Variants in PDGFRA observed in about 807,000 individuals in gnomAD.
The protein encoded by PDGFRA is platelet-derived growth factor receptor alpha.
A neutral mutation model predicts 121.5 loss-of-function variants in PDGFRA; 25 were observed. The observed-to-expected ratio is 0.21, with a 90% CI of 0.15 to 0.29. The LOEUF (loss-of-function observed/expected upper bound fraction) is 0.29, where lower values mean the gene tolerates loss of function less well. PDGFRA is among the 10% of genes least tolerant of loss of function. The pLI is 1.00. For missense variants in PDGFRA, 1,008 were observed against 1,345.1 expected, an observed-to-expected ratio of 0.75 and a Z score of 3.92; for synonymous variants, 463 against 494.8, an observed-to-expected ratio of 0.94 and a Z score of 0.85.
chr4:54,260,851 G>A (rs941024077), intron 2 of PDGFRA, among the ~76,000 whole-genome samples: 3 of 152,150 alleles, frequency 2.0e-5, no homozygotes, highest in Non-Finnish European at 4.4e-5. Context: ...GACATCCTCT[G>A]TCTATTTGAG....
chr4:54,263,764 C>T lies in PDGFRA; in HGVS notation c.465C>T (p.Pro155=), dbSNP rs376832294. The T allele has an allele frequency of 1.9e-5, 30 of 1,614,048 alleles. No individual in the cohort carries two copies. In the East Asian group the frequency reaches 2.7e-4, roughly 14 times the overall value. The change falls in exon 4 of 23, where the codon CCC becomes CCT. Residue 155 remains proline, a synonymous_variant. Coordinates refer to ENST00000257290, the MANE Select transcript of PDGFRA (RefSeq NM_006206.6). ...SAIIPCRTTD[P]ETPVTLHNSE... The stretch of plus-strand genomic sequence containing the variant: ...TTATACCTTGTCGCACAACTGATCC[C>T]GAGACTCCTGTAACCTTACACAACA...
At chr4:54,278,640 A>G in intron 15 of PDGFRA, 125 bp downstream of exon 15, 1 of 871,394 alleles carries the variant, frequency 1.1e-6, no homozygotes, top group Non-Finnish European at 1.9e-6. Context: ...CTTAGAGTCA[A>G]ACCACCCTGT....
At chr4:54,240,125 T>C in intron 1 of PDGFRA, 1 of 363,366 alleles carries the variant, frequency 2.8e-6, no homozygotes, top group Non-Finnish European at 5.8e-6. Context: ...GGTACTGGGA[T>C]TATAGGTGTG....
At chr4:54,285,698 G>A (rs1321064785) in intron 17 of PDGFRA, 143 bp from the exon 18 acceptor site, 12 of 890,358 alleles carry the variant, frequency 1.3e-5, no homozygotes, top group Admixed American at 3.5e-5. Flanking sequence ...GGAGTGGGTG[G>A]AGTGAGAACC....
chr4:54,231,321 G>C (rs2110162836), intron 1 of PDGFRA, among the ~76,000 whole-genome samples: 1 of 152,346 alleles, frequency 6.6e-6, no homozygotes, highest in African/African-American at 2.4e-5. Flanking sequence ...AGGCCAAATT[G>C]CTCAATGTTT....
rs1390581042 is a variant in PDGFRA at position 54,278,533 on chromosome 4, T to C, written c.2156+18T>C. Reference sequence around the variant, plus strand: ...ACACGGAGGTGGGTGCAAAGAGAGATGTTGCTGTCTATCATTATCTTACAG... The same window carrying C: ...ACACGGAGGTGGGTGCAAAGAGAGACGTTGCTGTCTATCATTATCTTACAG... On this transcript the variant is annotated intron_variant, in intron 15 of 22. Coordinates refer to ENST00000257290, the MANE Select transcript of PDGFRA (RefSeq NM_006206.6). 1 of 1,611,192 alleles carries C rather than the reference T, an allele frequency of 6.2e-7. No individual in the cohort carries two copies. Among genetic ancestry groups the C allele is most frequent in the South Asian group, 1.1e-5 (1 of 91,024 alleles).
intron 1 of PDGFRA, among the ~76,000 whole-genome samples, chr4:54,245,785 C>T (rs1341308797): frequency 2.0e-5 from 3 of 152,102 alleles, no homozygotes; most frequent in African/African-American, 7.2e-5. Context: ...GATAAAGAGT[C>T]AAGACCCATC....
intron 1 of PDGFRA, among the ~76,000 whole-genome samples, chr4:54,247,129 C>A (rs1560455791): frequency 6.6e-6 from 1 of 152,178 alleles, no homozygotes; most frequent in Non-Finnish European, 1.5e-5. Flanking sequence ...CAGCCGAATT[C>A]TACCAGAGGT....
intron 22 of PDGFRA, among the ~76,000 whole-genome samples, chr4:54,292,440 T>G (rs1198198001): frequency 6.6e-6 from 1 of 152,124 alleles, no homozygotes; most frequent in African/African-American, 2.4e-5. Context: ...ACACCACATG[T>G]TCTCACTTAT....
rs781711990 is a variant in PDGFRA at position 54,290,303 on chromosome 4, A to T, written c.2881-10A>T. 2 of 1,603,840 alleles carry T rather than the reference A, an allele frequency of 1.2e-6. No homozygotes were observed. Among genetic ancestry groups the T allele is most frequent in the South Asian group, 1.1e-5 (1 of 90,892 alleles). On this transcript the variant is annotated splice_polypyrimidine_tract_variant and intron_variant, in intron 21 of 22. Transcript: ENST00000257290. ...ACACTTGATTAAATATGTTCAATGA[A>T]TGTTTATAGAGTTATGAAAAAATTC...
rs1213039385 is a variant in PDGFRA at position 54,285,918 on chromosome 4, G to T, written c.2517G>T (p.Leu839=). The T allele has an allele frequency of 2.5e-6, 4 of 1,614,052 alleles. No homozygotes were observed. In the South Asian group the frequency reaches 4.4e-5, roughly 18 times the overall value. The stretch of plus-strand genomic sequence containing the variant: ...TTGTGAAGATCTGTGACTTTGGCCT[G>T]GCCAGAGACATCATGCATGATTCGA... ...GKIVKICDFG[L]ARDIMHDSNY... The change falls in exon 18 of 23, where the codon CTG becomes CTT. Residue 839 remains leucine, a synonymous_variant. Transcript: ENST00000257290.
chr4:54,279,080 C>G (rs190575804), intron 15 of PDGFRA: 19 of 315,498 alleles, frequency 6.0e-5, no homozygotes, highest in Non-Finnish European at 1.0e-4. Context: ...ATTGTATGCC[C>G]AAGCCACATG....
chr4:54,233,733 G>A (rs1720834887), intron 1 of PDGFRA, among the ~76,000 whole-genome samples: 1 of 152,252 alleles, frequency 6.6e-6, no homozygotes, highest in Non-Finnish European at 1.5e-5. Flanking sequence ...AGAAGCAGGG[G>A]AGTGTGGAGG....
At chr4:54,282,402 G>A (rs951682387) in intron 16 of PDGFRA, among the ~76,000 whole-genome samples, 2 of 152,152 alleles carry the variant, frequency 1.3e-5, no homozygotes, top group Admixed American at 1.3e-4. Flanking sequence ...GCAAGAGCAA[G>A]CGAGAGAGAG....
In PDGFRA at chr4:54,267,687, T is replaced by C. The variant is rs2110267420; in HGVS notation, c.1067T>C (p.Leu356Pro). The part of the protein sequence containing the change: ...RISWLKNNLT[L>P]IENLTEITTD... ...TCCTGGCTGAAAAACAATCTGACTC[T>C]GATTGAAAATCTCACTGAGATCACC... The change falls in exon 7 of 23, where the codon CTG becomes CCG. Residue 356 changes from leucine (L) to proline (P), a missense_variant. Transcript: ENST00000257290. 1.2e-6 allele frequency: 2 copies of C among 1,613,938 alleles called. No individual in the cohort carries two copies. Among genetic ancestry groups the C allele is most frequent in the East Asian group, 2.2e-5 (1 of 44,886 alleles).
chr4:54,236,737 A>G (rs1295443155), intron 1 of PDGFRA, among the ~76,000 whole-genome samples: 3 of 152,056 alleles, frequency 2.0e-5, no homozygotes, highest in Admixed American at 6.6e-5. Flanking sequence ...TGGGAGGCAG[A>G]GGTTGCAATG....
chr4:54,232,489 C>T (rs1304993032), intron 1 of PDGFRA, among the ~76,000 whole-genome samples: 2 of 152,338 alleles, frequency 1.3e-5, no homozygotes, highest in East Asian at 1.9e-4. Flanking sequence ...AGTTTCTCGG[C>T]CCCCGCGAAA....
Position 54,285,479 on chromosome 4 carries a change from C to CA in PDGFRA, c.2438dup (p.Asn813LysfsTer6). On this transcript the variant is annotated frameshift_variant, in exon 17 of 23. Coordinates refer to ENST00000257290, the MANE Select transcript of PDGFRA (RefSeq NM_006206.6). LOFTEE classifies it high-confidence loss of function. ...GCCCGAGGAATGGAGTTTTTGGCTTCAAAAAATGTAAGTTCAAGGAACACA... is the reference window on the plus strand; with the variant it reads ...GCCCGAGGAATGGAGTTTTTGGCTTCAAAAAAATGTAAGTTCAAGGAACACA... 1 of 1,450,100 alleles carries CA rather than the reference C, an allele frequency of 6.9e-7. No individual in the cohort carries two copies. The highest frequency in any genetic ancestry group is 9.7e-7 in the Non-Finnish European group (1 of 1,030,320). The allele number at this position is 1,450,100 out of a possible 1,614,324, so 89.8% of individuals were successfully genotyped here.
chr4:54,248,586 A>C (rs1292314606), intron 1 of PDGFRA, among the ~76,000 whole-genome samples: 25 of 152,326 alleles, frequency 1.6e-4, no homozygotes, highest in African/African-American at 5.3e-4. Flanking sequence ...TAAAGACTTA[A>C]ACGTTAGACC....
Sources: gnomAD v4.1 joint callset for allele counts (sites outside exome capture counted in the v4.1 genomes callset) on GRCh38, gnomAD v4.1.1 for gene constraint, MANE v1.5 for transcripts, NCBI Gene and HGNC (gene_info 2026-07-23, HGNC 2026-07-21) for gene names.